The following TAFA1 variants were observed in gnomAD, a reference collection of about 807,000 sequenced individuals.
TAFA1 encodes the protein chemokine-like protein TAFA-1.
A neutral mutation model predicts 18.5 loss-of-function variants in TAFA1; 4 were observed. That is an observed-to-expected ratio of 0.22 (90% CI 0.11 to 0.49). The LOEUF (loss-of-function observed/expected upper bound fraction) is 0.49, where lower values mean the gene tolerates loss of function less well. Among genes scored for constraint, TAFA1 ranks in the 20% least tolerant of loss-of-function variants. TAFA1 has a pLI of 0.98. For missense variants in TAFA1, 147 were observed against 169.0 expected (o/e 0.87, Z 0.72); for synonymous variants, 56 against 55.2 (o/e 1.01, Z -0.06).
At chr3:68,256,762 T>C (rs1279133417) in intron 2 of TAFA1, among the ~76,000 whole-genome samples, 5 of 152,092 alleles carry the variant, frequency 3.3e-5, no homozygotes, top group African/African-American at 1.2e-4. Flanking sequence ...TGGGAGAAGA[T>C]TGGAGGAAAT....
intron 2 of TAFA1, among the ~76,000 whole-genome samples, chr3:68,252,610 T>A (rs754230113): frequency 6.6e-6 from 1 of 152,190 alleles, no homozygotes; most frequent in African/African-American, 2.4e-5. Flanking sequence ...ATCTGTCTTA[T>A]CATTGCAGGC....
rs537822278 is a variant in TAFA1 at position 68,175,540 on chromosome 3, C to T, written c.118+168796C>T. Among the ~76,000 whole-genome samples the T allele has an allele frequency of 2.0e-5, 3 of 152,312 alleles. No homozygotes were observed. In the East Asian group the frequency reaches 5.8e-4, roughly 29 times the overall value. ...GGAGCTTTAAGATTCGTCTGCCCTG[C>T]TGGACTTTGTGCTTGCATGGGGCCT... On this transcript the variant is annotated intron_variant, in intron 2 of 4. Coordinates refer to ENST00000478136, the MANE Select transcript of TAFA1 (RefSeq NM_213609.4).
intron 2 of TAFA1, among the ~76,000 whole-genome samples, chr3:68,171,715 T>C (rs1327362185): frequency 6.6e-6 from 1 of 152,106 alleles, no homozygotes; most frequent in African/African-American, 2.4e-5. Context: ...ATGACAGCAA[T>C]GTCTTGCCAA....
intron 3 of TAFA1, among the ~76,000 whole-genome samples, chr3:68,522,398 C>T (rs548417173): frequency 1.3e-5 from 2 of 152,250 alleles, no homozygotes; most frequent in Admixed American, 1.3e-4. Context: ...TAGCAACATA[C>T]ATAAATGTGC....
intron 3 of TAFA1, among the ~76,000 whole-genome samples, chr3:68,459,389 T>C (rs2071731099): frequency 6.6e-6 from 1 of 152,236 alleles, no homozygotes; most frequent in African/African-American, 2.4e-5. Flanking sequence ...TCCCATACTT[T>C]GATCTTGAGT....
At chr3:68,400,309 A>C (rs188674915) in intron 2 of TAFA1, among the ~76,000 whole-genome samples, 91 of 152,312 alleles carry the variant, frequency 6.0e-4, no homozygotes, top group Non-Finnish European at 1.1e-3. Flanking sequence ...CACATTTTAC[A>C]GATAAGTAAA....
chr3:68,452,513 A>ACT (rs1235009325), intron 3 of TAFA1, among the ~76,000 whole-genome samples: 4 of 106,882 alleles, frequency 3.7e-5, no homozygotes, highest in South Asian at 3.0e-4. Flanking sequence ...ACAAAGCAAA[A>ACT]CTCTCTCTCA....
At chr3:68,495,136 G>A (rs1350584469) in intron 3 of TAFA1, among the ~76,000 whole-genome samples, 1 of 152,186 alleles carries the variant, frequency 6.6e-6, no homozygotes, top group Non-Finnish European at 1.5e-5. Flanking sequence ...ACAGGCTTCA[G>A]GCTTGTAGGA....
At chr3:68,165,315 C>G (rs1226059129) in intron 2 of TAFA1, among the ~76,000 whole-genome samples, 1 of 152,178 alleles carries the variant, frequency 6.6e-6, no homozygotes, top group Admixed American at 6.5e-5. Context: ...TAAGCAACTC[C>G]CATGCACACA....
At chr3:68,356,225 C>A (rs2069362049) in intron 2 of TAFA1, among the ~76,000 whole-genome samples, 1 of 151,932 alleles carries the variant, frequency 6.6e-6, no homozygotes, top group African/African-American at 2.4e-5. Context: ...GGTGATATAG[C>A]ACTTACCTGC....
At chr3:68,103,405 C>G (rs1337800842) in intron 2 of TAFA1, among the ~76,000 whole-genome samples, 4 of 152,100 alleles carry the variant, frequency 2.6e-5, no homozygotes, top group Non-Finnish European at 4.4e-5. Flanking sequence ...GTAATTCCAG[C>G]CTTAGCTGTT....
chr3:68,371,162 C>T (rs1430151799), intron 2 of TAFA1, among the ~76,000 whole-genome samples: 2 of 152,138 alleles, frequency 1.3e-5, no homozygotes, highest in Non-Finnish European at 2.9e-5. Flanking sequence ...GAAAACTACT[C>T]TGAGCCTCTG....
At chr3:68,158,706 C>A (rs1471785729) in intron 2 of TAFA1, among the ~76,000 whole-genome samples, 1 of 152,084 alleles carries the variant, frequency 6.6e-6, no homozygotes, top group Non-Finnish European at 1.5e-5. Context: ...TTTGTGATGA[C>A]CTTAACATTT....
At chr3:68,440,048 C>T (rs933286231) in intron 3 of TAFA1, among the ~76,000 whole-genome samples, 1 of 150,062 alleles carries the variant, frequency 6.7e-6, no homozygotes, top group Non-Finnish European at 1.5e-5. Context: ...TGTCCCCCCC[C>T]TCCAAATCTC....
intron 3 of TAFA1, among the ~76,000 whole-genome samples, chr3:68,491,721 G>C (rs1313276765): frequency 2.0e-5 from 3 of 152,030 alleles, no homozygotes; most frequent in Non-Finnish European, 4.4e-5. Flanking sequence ...AGAGTGGAAA[G>C]GGATCCTGAA....
At chr3:68,130,868 T>A (rs1390118277) in intron 2 of TAFA1, among the ~76,000 whole-genome samples, 1 of 152,176 alleles carries the variant, frequency 6.6e-6, no homozygotes, top group Non-Finnish European at 1.5e-5. Context: ...TACCTCCCTG[T>A]CCTCCCTGGC....
Position 68,395,733 on chromosome 3 carries a change from A to T in TAFA1, c.119-21547A>T, listed in dbSNP as rs146065949. On this transcript the variant is annotated intron_variant, in intron 2 of 4. Transcript: ENST00000478136. ...AGAAAACCAAACACTGCATATTCTC[A>T]CTCATAAGTGAGAGTTGAACAATTA... Among the ~76,000 whole-genome samples, 695 of 152,182 alleles carry T rather than the reference A, an allele frequency of 4.6e-3. 4 individuals are homozygous for T. The highest frequency in any genetic ancestry group is 0.016 in the African/African-American group (656 of 41,526).
intron 2 of TAFA1, among the ~76,000 whole-genome samples, chr3:68,349,939 T>C (rs1460764367): frequency 6.6e-6 from 1 of 152,118 alleles, no homozygotes; most frequent in Non-Finnish European, 1.5e-5. Context: ...ACTTTATGGT[T>C]TGCCACAGTC....
At chr3:68,138,814 AG>A (rs2065637549) in intron 2 of TAFA1, among the ~76,000 whole-genome samples, 1 of 152,152 alleles carries the variant, frequency 6.6e-6, no homozygotes, top group Non-Finnish European at 1.5e-5. Flanking sequence ...TACTCTTGAT[AG>A]TTGGTTTTCA....
Sources: gnomAD v4.1 joint callset for allele counts (sites outside exome capture counted in the v4.1 genomes callset) on GRCh38, gnomAD v4.1.1 for gene constraint, MANE v1.5 for transcripts, NCBI Gene and HGNC (gene_info 2026-07-23, HGNC 2026-07-21) for gene names.